The following FAR2 variants were observed in gnomAD, a reference collection of about 807,000 sequenced individuals.
The protein encoded by FAR2 is fatty acyl-CoA reductase 2, also known as epididymis secretory protein Li 81.
In FAR2, 19 loss-of-function variants were observed where a neutral mutation model predicts 56.0. That is an observed-to-expected ratio of 0.34 (90% CI 0.24 to 0.50). FAR2 has a LOEUF of 0.50. FAR2 is among the 20% of genes least tolerant of loss of function. FAR2 has a pLI of 0.98. For synonymous variants in FAR2, 219 were observed against 218.8 expected (o/e 1.00, Z -0.01); for missense variants, 508 against 642.2 (o/e 0.79, Z 2.26).
intron 1 of FAR2, among the ~76,000 whole-genome samples, chr12:29,219,852 T>G (rs898240494): frequency 1.3e-5 from 2 of 152,178 alleles, no homozygotes; most frequent in Admixed American, 6.5e-5. Context: ...AAAGAAAACT[T>G]TTCTTTTCCT....
chr12:29,238,349 A>G (rs941437507), intron 1 of FAR2, among the ~76,000 whole-genome samples: 1 of 152,178 alleles, frequency 6.6e-6, no homozygotes, highest in Admixed American at 6.5e-5. Context: ...GATATTTGCA[A>G]AAATATAAAA....
intron 1 of FAR2, among the ~76,000 whole-genome samples, chr12:29,188,282 C>A (rs1367374279): frequency 2.0e-5 from 3 of 152,262 alleles, no homozygotes; most frequent in African/African-American, 7.2e-5. Flanking sequence ...TAAAACCTCA[C>A]CTTTAGCTTC....
chr12:29,293,182 G>A, intron 2 of FAR2, 118 bp from the exon 3 acceptor site: 1 of 815,396 alleles, frequency 1.2e-6, no homozygotes, highest in Non-Finnish European at 1.8e-6. Context: ...TCTTCTTTAA[G>A]TAATGTTATT....
At chr12:29,191,447 A>C (rs1950102177) in intron 1 of FAR2, among the ~76,000 whole-genome samples, 1 of 152,272 alleles carries the variant, frequency 6.6e-6, no homozygotes, top group Non-Finnish European at 1.5e-5. Flanking sequence ...TGTGTGGCTG[A>C]AGACATCACC....
rs1428729903 is a variant in FAR2, at chr12:29,308,711, C to CATATATATATAT, written c.724-474_724-473insTATATATATATA. Among the ~76,000 whole-genome samples, 114 of 109,758 alleles carry CATATATATATAT rather than the reference C, an allele frequency of 1.0e-3. 1 individual carries two copies. The highest frequency in any genetic ancestry group is 0.01 in the South Asian group (33 of 3,292). The allele number at this position is 109,758 out of a possible 152,430, so 72.0% of individuals were successfully genotyped here. On this transcript the variant is annotated intron_variant, in intron 5 of 11. Coordinates refer to ENST00000536681, the MANE Select transcript of FAR2 (RefSeq NM_001271783.2). ...ACAGACACACACACACACACACACA[C>CATATATATATAT]ACACACACATATATATATATATGTA...
intron 1 of FAR2, among the ~76,000 whole-genome samples, chr12:29,153,821 GAA>G (rs548247077): frequency 2.0e-5 from 3 of 152,170 alleles, no homozygotes; most frequent in Admixed American, 6.5e-5. Context: ...GAGGCAGAAA[GAA>G]GAGTGGGAAT....
intron 8 of FAR2, among the ~76,000 whole-genome samples, chr12:29,313,616 T>C (rs902223690): frequency 1.6e-4 from 25 of 152,146 alleles, no homozygotes; most frequent in Middle Eastern, 3.2e-3. Context: ...TTGCAGGCTT[T>C]CAGTTTCTAC....
chr12:29,307,258 G>A (rs1419643422), intron 4 of FAR2, among the ~76,000 whole-genome samples: 1 of 152,082 alleles, frequency 6.6e-6, no homozygotes, highest in Admixed American at 6.5e-5. Flanking sequence ...TTCTAATTTA[G>A]TACTACTACA....
rs533529634 is a variant in FAR2 at position 29,265,042 on chromosome 12, G to A, written c.-38-5370G>A. Among the ~76,000 whole-genome samples the A allele has an allele frequency of 1.1e-4, 16 of 152,156 alleles. No individual in the cohort carries two copies. In the South Asian group the frequency reaches 3.1e-3, roughly 30 times the overall value. On this transcript the variant is annotated intron_variant, in intron 1 of 11. Transcript: ENST00000536681. ...ATTGACAAGAACACACACAAAAATG[G>A]AAAGATATTCCATGTTCATGTGTTG...
chr12:29,257,735 C>T (rs1457082256), intron 1 of FAR2, among the ~76,000 whole-genome samples: 1 of 152,084 alleles, frequency 6.6e-6, no homozygotes, highest in Non-Finnish European at 1.5e-5. Context: ...AGCGAGACCA[C>T]GAACCCACCA....
intron 1 of FAR2, among the ~76,000 whole-genome samples, chr12:29,153,304 T>A (rs986661477): frequency 3.3e-5 from 5 of 152,152 alleles, no homozygotes; most frequent in Non-Finnish European, 5.9e-5. Flanking sequence ...AGATTTCAAT[T>A]GCTATTGGAA....
At chr12:29,312,789 T>C (rs1949376070) in intron 8 of FAR2, among the ~76,000 whole-genome samples, 1 of 152,170 alleles carries the variant, frequency 6.6e-6, no homozygotes, top group African/African-American at 2.4e-5. Flanking sequence ...TTTCTTTCCC[T>C]GTTACATAGG....
intron 1 of FAR2, among the ~76,000 whole-genome samples, chr12:29,216,880 G>C (rs990312808): frequency 6.6e-6 from 1 of 152,134 alleles, no homozygotes; most frequent in African/African-American, 2.4e-5. Context: ...AAAGCACTTT[G>C]GTGTACAATG....
intron 1 of FAR2, among the ~76,000 whole-genome samples, chr12:29,229,358 T>A (rs1288598263): frequency 6.6e-6 from 1 of 152,182 alleles, no homozygotes; most frequent in African/African-American, 2.4e-5. Context: ...CTGCTTTAAA[T>A]TCATGACCTA....
In FAR2 at chr12:29,257,027, G is replaced by A. The variant is rs552717054; in HGVS notation, c.-38-13385G>A. On this transcript the variant is annotated intron_variant, in intron 1 of 11. Transcript: ENST00000536681. ...GACCACCCAAGGACTGAGGAGTGCG[G>A]GTGCACGGCGCGGGACTGGCAGGTA... 5.3e-5 allele frequency among the ~76,000 whole-genome samples: 8 copies of A among 152,272 alleles called. No homozygotes were observed. In the South Asian group the frequency reaches 1.7e-3, roughly 32 times the overall value.
At chr12:29,322,190 CG>C (rs1949563192) in intron 10 of FAR2, among the ~76,000 whole-genome samples, 1 of 152,176 alleles carries the variant, frequency 6.6e-6, no homozygotes, top group Non-Finnish European at 1.5e-5. Context: ...GCACTTCAAT[CG>C]TTTTGTCACT....
rs1182215629 is a variant in FAR2, at chr12:29,163,907, G to A, written c.-39+14500G>A. ...TTTGTCACTTACTAGCAAGTTACTT[G>A]AATGTTCTGCATTTGGCTTTCTTCA... On this transcript the variant is annotated intron_variant, in intron 1 of 11. Transcript: ENST00000536681. Among the ~76,000 whole-genome samples, 4 of 152,190 alleles carry A rather than the reference G, an allele frequency of 2.6e-5. No individual in the cohort carries two copies. The East Asian group carries it at 5.8e-4, about 22-fold the overall frequency.
At chr12:29,320,683 T>C (rs112784501) in intron 9 of FAR2, among the ~76,000 whole-genome samples, 1 of 152,208 alleles carries the variant, frequency 6.6e-6, no homozygotes, top group East Asian at 1.9e-4. Flanking sequence ...TATGGGACCT[T>C]GAGCATAATC....
At chr12:29,319,135 C>T (rs12231498) in intron 9 of FAR2, among the ~76,000 whole-genome samples, 44,218 of 151,598 alleles carry the variant, frequency 0.29, 6,668 homozygotes, top group East Asian at 0.35. Flanking sequence ...GGATTACAGG[C>T]GCCCGCCACT....
Sources: gnomAD v4.1 joint callset for allele counts (sites outside exome capture counted in the v4.1 genomes callset) on GRCh38, gnomAD v4.1.1 for gene constraint, MANE v1.5 for transcripts, NCBI Gene and HGNC (gene_info 2026-07-23, HGNC 2026-07-21) for gene names.